Variants in CROCC2 observed in about 807,000 individuals in gnomAD.
CROCC2 encodes ciliary rootlet coiled-coil, rootletin family member 2, also known as ciliary rootlet coiled-coil protein 2.
A neutral mutation model predicts 177.6 loss-of-function variants in CROCC2; 163 were observed. The observed-to-expected ratio is 0.92, with a 90% confidence interval of 0.81 to 1.05. The LOEUF (loss-of-function observed/expected upper bound fraction) is 1.05. Ranked by LOEUF, CROCC2 falls within the 50% of genes least tolerant of loss-of-function variation. CROCC2 has a pLI of 0.00. For synonymous variants in CROCC2, 904 were observed against 787.3 expected, an observed-to-expected ratio of 1.15 and a Z score of -2.48; for missense variants, 1,929 against 1,797.8, an observed-to-expected ratio of 1.07 and a Z score of -1.32.
chr2:240,987,734 C>T (rs1283458123), intron 28 of CROCC2, among the ~76,000 whole-genome samples: 2 of 152,256 alleles, frequency 1.3e-5, no homozygotes, highest in Non-Finnish European at 2.9e-5. Flanking sequence ...AGAGGACTGA[C>T]CTGGCACTCC....
chr2:240,969,587 G>A (rs752721103), intron 27 of CROCC2, among the ~76,000 whole-genome samples: 6 of 152,240 alleles, frequency 3.9e-5, no homozygotes, highest in Non-Finnish European at 7.3e-5. Flanking sequence ...CCAGGAGATG[G>A]GGGCACCTGA....
Position 240,973,869 on chromosome 2 carries a change from A to G in CROCC2, c.4401+5607A>G, listed in dbSNP as rs1436554181. 2.6e-5 allele frequency among the ~76,000 whole-genome samples: 4 copies of G among 152,198 alleles called. No individual in the cohort carries two copies. The highest frequency in any genetic ancestry group is 4.8e-5 in the African/African-American group (2 of 41,446). ...TTCCACTTTTTCCATCACCTGGAACACTCAAAATAACTTTTCTTGAGAGGT... is the reference window on the plus strand; with the variant it reads ...TTCCACTTTTTCCATCACCTGGAACGCTCAAAATAACTTTTCTTGAGAGGT... On this transcript the variant is annotated intron_variant, in intron 27 of 31. Coordinates refer to ENST00000690015, the MANE Select transcript of CROCC2 (RefSeq NM_001351305.2). The surrounding 1 kb of genome is among the most constrained non-coding windows in gnomAD (Gnocchi z 4.7).
At position 240,960,007 on chromosome 2, in the gene CROCC2, C is replaced by T. The variant is rs1055803948; in HGVS notation, c.3087+563C>T. Among the ~76,000 whole-genome samples, 24 of 152,252 alleles carry T rather than the reference C, an allele frequency of 1.6e-4. No individual in the cohort carries two copies. Among genetic ancestry groups the T allele is most frequent in the African/African-American group, 5.8e-4 (24 of 41,474 alleles). On this transcript the variant is annotated intron_variant, in intron 20 of 31. Transcript: ENST00000690015. The surrounding 1 kb of genome is among the most constrained non-coding windows in gnomAD (Gnocchi z 5.0). ...GCCAGAGCCACGCAGCCAAAGGCTCCAGGAGTCCAGCCGGCCCCCTCGTTC... is the reference window on the plus strand; with the variant it reads ...GCCAGAGCCACGCAGCCAAAGGCTCTAGGAGTCCAGCCGGCCCCCTCGTTC...
In CROCC2 at chr2:240,983,751, G is replaced by C. The variant is rs2059818167; in HGVS notation, c.4551+722G>C. ...GCAGGTGGCCACAGCCCTGCCAGTG[G>C]TGTCGTGTGCGCCCTGCCTTGGCTC... is the stretch of plus-strand genomic sequence containing the variant. On this transcript the variant is annotated intron_variant, in intron 28 of 31. Transcript: ENST00000690015. The C allele has an allele frequency of 8.5e-6, 5 of 591,470 alleles. No individual in the cohort carries two copies. In the South Asian group the frequency reaches 8.5e-5, roughly 10 times the overall value. 36.6% of individuals were successfully genotyped at this position (591,470 alleles called of 1,614,324 possible). A position where few individuals can be genotyped will look rare whatever the true frequency, so the allele number is the denominator to read the frequency against.
chr2:240,959,327 G>A lies in CROCC2; in HGVS notation c.2970G>A (p.Glu990=). 6.4e-7 allele frequency: 1 copy of A among 1,550,574 alleles called. No homozygotes were observed. The highest frequency in any genetic ancestry group is 8.7e-7 in the Non-Finnish European group (1 of 1,146,966). ...CCACCATCAGTGCCACGACTGAGGAGCTGAAGGCCCTCCAGGCCCAGTTTG... is the reference window on the plus strand; with the variant it reads ...CCACCATCAGTGCCACGACTGAGGAACTGAAGGCCCTCCAGGCCCAGTTTG... ...AQATISATTE[E]LKALQAQFED... Residue 990 remains glutamate (E), a synonymous_variant, in exon 20 of 32, where the codon GAG becomes GAA. Coordinates refer to ENST00000690015, the MANE Select transcript of CROCC2 (RefSeq NM_001351305.2).
At chr2:240,942,373 A>G (rs1308106477) in intron 14 of CROCC2, among the ~76,000 whole-genome samples, 2 of 152,158 alleles carry the variant, frequency 1.3e-5, no homozygotes, top group Non-Finnish European at 2.9e-5. Context: ...ATGTTTTTAA[A>G]CATATTAATT....
intron 25 of CROCC2, among the ~76,000 whole-genome samples, chr2:240,966,887 C>T (rs1010068562): frequency 9.2e-5 from 14 of 151,868 alleles, no homozygotes; most frequent in Non-Finnish European, 1.9e-4. Context: ...GTGGGAAAGA[C>T]AGAGGCAGGC....
intron 27 of CROCC2, among the ~76,000 whole-genome samples, chr2:240,974,256 A>G (rs1368160198): frequency 4.6e-5 from 7 of 152,142 alleles, no homozygotes; most frequent in South Asian, 2.1e-4. Flanking sequence ...TCCTCTTTTC[A>G]AAGAATCAAT....
chr2:240,941,784 T>G (rs2059496105), intron 14 of CROCC2, among the ~76,000 whole-genome samples: 1 of 152,246 alleles, frequency 6.6e-6, no homozygotes, highest in African/African-American at 2.4e-5. Context: ...GTTTCGAATG[T>G]GTCCCCTCCA....
chr2:240,989,939 CAG>C, intron 30 of CROCC2, 106 bp downstream of exon 30: 1 of 1,116,474 alleles, frequency 9.0e-7, no homozygotes, highest in Non-Finnish European at 1.2e-6. Flanking sequence ...CCTCTAGCAA[CAG>C]GGGCTCTCCA....
chr2:240,956,354 T>C (rs1294945336), intron 19 of CROCC2: 6 of 226,510 alleles, frequency 2.6e-5, no homozygotes, highest in African/African-American at 1.3e-4. Context: ...GCACCAGCCT[T>C]GTGGAACTCA....
chr2:240,979,661 T>G (rs1194946363), intron 27 of CROCC2, among the ~76,000 whole-genome samples: 10 of 42,942 alleles, frequency 2.3e-4, no homozygotes, highest in Non-Finnish European at 3.7e-4. Flanking sequence ...CCCTGCTCAG[T>G]CTCTGGGGTA....
chr2:240,983,583 G>A (rs2059816682), intron 28 of CROCC2: 1 of 1,281,252 alleles, frequency 7.8e-7, no homozygotes. Flanking sequence ...GCACAGGTAG[G>A]CGGCAGCGGT....
At position 240,918,924 on chromosome 2, in the gene CROCC2, G is replaced by C; in HGVS notation, c.229+48G>C. On this transcript the variant is annotated intron_variant, in intron 2 of 31. Coordinates refer to ENST00000690015, the MANE Select transcript of CROCC2 (RefSeq NM_001351305.2). This position sits in a 1 kb window ranked among gnomAD's most constrained non-coding sequence, Gnocchi z 6.3. ...TGGGCCCGGGGCTGGCCAAGGTGAC[G>C]GCGTGGGGGACAGTCCTGGGCCCGG... The C allele has an allele frequency of 1.5e-6, 1 of 655,052 alleles. No homozygotes were observed. Among genetic ancestry groups the C allele is most frequent in the South Asian group, 1.7e-5 (1 of 60,088 alleles). 40.6% of individuals were successfully genotyped at this position (655,052 alleles called of 1,614,324 possible).
At chr2:240,932,635 G>A (rs1018298667) in intron 8 of CROCC2, 67 bp from the exon 9 acceptor site, 28 of 716,764 alleles carry the variant, frequency 3.9e-5, no homozygotes, top group South Asian at 1.2e-4. Context: ...GACTGTCTGC[G>A]CGGTCCCCAC....
At chr2:240,987,591 C>T (rs544536471) in intron 28 of CROCC2, among the ~76,000 whole-genome samples, 18 of 152,212 alleles carry the variant, frequency 1.2e-4, no homozygotes, top group African/African-American at 3.6e-4. Context: ...TCTTAGGGCC[C>T]GAAACCAGGC....
intron 22 of CROCC2, 146 bp from the exon 23 acceptor site, chr2:240,965,235 G>A (rs2059672357): frequency 1.7e-6 from 2 of 1,204,528 alleles, no homozygotes; most frequent in Non-Finnish European, 2.3e-6. Flanking sequence ...CCCAGGGCAA[G>A]GTCCTTTGGG....
At position 240,934,458 on chromosome 2, in the gene CROCC2, C is replaced by A; in HGVS notation, c.1774C>A (p.Arg592Ser). 1 of 1,548,184 alleles carries A rather than the reference C, an allele frequency of 6.5e-7. No individual in the cohort carries two copies. The highest frequency in any genetic ancestry group is 8.7e-7 in the Non-Finnish European group (1 of 1,146,720). ...DVVESEREGL[R>S]SALARAECSN... ...CGTGGAGAGTGAGAGGGAGGGACTGCGCAGCGCCCTGGCGCGGGTACACTC... is the reference window on the plus strand; with the variant it reads ...CGTGGAGAGTGAGAGGGAGGGACTGAGCAGCGCCCTGGCGCGGGTACACTC... The change falls in exon 12 of 32, where the codon CGC (arginine) becomes AGC (serine). Residue 592 changes from arginine (R) to serine (S), a missense_variant. Arg to Ser is a moderately radical substitution (Grantham distance 110). Around this residue, in one of 3 missense-constraint regions of CROCC2, gnomAD observed 1,397 missense variants for 1,239.9 expected, o/e 1.13. Coordinates refer to ENST00000690015, the MANE Select transcript of CROCC2 (RefSeq NM_001351305.2).
chr2:240,990,140 G>A (rs1332753291), intron 30 of CROCC2, among the ~76,000 whole-genome samples: 6 of 152,354 alleles, frequency 3.9e-5, no homozygotes, highest in Admixed American at 6.5e-5. Flanking sequence ...GTCACTGGGC[G>A]ACTGAGCTGT....
Sources: gnomAD v4.1 joint callset for allele counts (sites outside exome capture counted in the v4.1 genomes callset) on GRCh38, gnomAD v4.1.1 for gene constraint, gnomAD v4.1.1 regional missense constraint, Gnocchi (gnomAD v3.1) non-coding constraint, MANE v1.5 for transcripts, NCBI Gene and HGNC (gene_info 2026-07-23, HGNC 2026-07-21) for gene names.